The following RET variants were observed in gnomAD, a reference collection of about 807,000 sequenced individuals.
RET encodes proto-oncogene tyrosine-protein kinase receptor Ret.
Under a neutral mutation model 118.3 loss-of-function variants are expected in RET, and 19 were observed. That is an observed-to-expected ratio of 0.16 (90% CI 0.11 to 0.24). The LOEUF (loss-of-function observed/expected upper bound fraction) is 0.24. Ranked by LOEUF, RET falls within the 10% of genes least tolerant of loss-of-function variation. RET has a pLI of 1.00. For synonymous variants in RET, 597 were observed against 644.1 expected (o/e 0.93, Z 1.11); for missense variants, 1,219 against 1,502.1 (o/e 0.81, Z 3.12).
chr10:43,128,097 T>A lies in RET; in HGVS notation c.3188-15T>A, dbSNP rs1588881831. 3 of 1,614,066 alleles carry A rather than the reference T, an allele frequency of 1.9e-6. No individual in the cohort carries two copies. Among genetic ancestry groups the A allele is most frequent in the Non-Finnish European group, 2.5e-6 (3 of 1,179,996 alleles). ...GTTCTTCAGTGCAGAACAAATGATC[T>A]GTTTTCATTTTTAGGCATGTCAGAC... On this transcript the variant is annotated splice_polypyrimidine_tract_variant and intron_variant, in intron 19 of 19. Transcript: ENST00000355710.
At position 43,123,806 on chromosome 10, in the gene RET, G is replaced by A. The variant is rs2133007200; in HGVS notation, c.2937G>A (p.Glu979=). Residue 979 remains glutamate, a splice_region_variant and synonymous_variant, in exon 17 of 20, where the codon GAG becomes GAA. Coordinates refer to ENST00000355710, the MANE Select transcript of RET (RefSeq NM_020975.6). ...RMERPDNCSE[E]MYRLMLQCWK... ...AGAGGCCAGACAACTGCAGCGAGGA[G>A]ATGTGAGCGGGGACTGGCTTTGGCC... 6.2e-7 allele frequency: 1 copy of A among 1,614,086 alleles called. No homozygotes were observed. Among genetic ancestry groups the A allele is most frequent in the African/African-American group, 1.3e-5 (1 of 75,062 alleles).
intron 6 of RET, among the ~76,000 whole-genome samples, chr10:43,110,023 A>G: frequency 6.6e-6 from 1 of 152,122 alleles, no homozygotes; most frequent in East Asian, 1.9e-4. Context: ...CTGTGCCCGC[A>G]TCAGCTCCTG....
rs1428205590 is a variant in RET, at chr10:43,077,172, G to A, written c.-87G>A. The A allele has an allele frequency of 5.9e-6, 8 of 1,353,838 alleles. No homozygotes were observed. The highest frequency in any genetic ancestry group is 7.6e-6 in the Non-Finnish European group (8 of 1,053,800). The allele number at this position is 1,353,838 out of a possible 1,614,324, so 83.9% of individuals were successfully genotyped here. ...CCGCCGCGCCCCGGGCGGGGATGGG[G>A]CGGCCAGACTGAGCGCCGCACCCGC... On this transcript the variant is annotated 5_prime_UTR_variant, in exon 1 of 20. Transcript: ENST00000355710.
intron 16 of RET, 92 bp downstream of exon 16, chr10:43,122,108 C>T: frequency 2.0e-6 from 2 of 997,900 alleles, no homozygotes; most frequent in East Asian, 4.8e-5. Flanking sequence ...GCAGCTTGGC[C>T]AGGGAATTGC....
rs112834982 is a variant in RET, at chr10:43,100,301, G to T, written c.74-158G>T. ...TTTTAAAGCAGTTCTTTTCTAGCCC[G>T]TGTGTAACTATACAAATAATTGAGT... is the stretch of plus-strand genomic sequence containing the variant. On this transcript the variant is annotated intron_variant, in intron 1 of 19. Coordinates refer to ENST00000355710, the MANE Select transcript of RET (RefSeq NM_020975.6). Among the ~76,000 whole-genome samples, 1,200 of 152,068 alleles carry T rather than the reference G, an allele frequency of 7.9e-3. 16 individuals are homozygous for T. Among genetic ancestry groups the T allele is most frequent in the African/African-American group, 0.028 (1,153 of 41,482 alleles).
chr10:43,087,324 G>T (rs1160735386), intron 1 of RET, among the ~76,000 whole-genome samples: 1 of 152,204 alleles, frequency 6.6e-6, no homozygotes, highest in Non-Finnish European at 1.5e-5. Context: ...TCCACACCGG[G>T]TCTCCTGCCC....
chr10:43,099,941 C>T (rs1564489171), intron 1 of RET, among the ~76,000 whole-genome samples: 1 of 152,232 alleles, frequency 6.6e-6, no homozygotes, highest in Non-Finnish European at 1.5e-5. Context: ...GGCCTCTAGG[C>T]TCTTGACTTC....
At chr10:43,112,007 A>C (rs1837945796) in intron 7 of RET, 92 bp from the exon 8 acceptor site, 1 of 1,523,190 alleles carries the variant, frequency 6.6e-7, no homozygotes, top group East Asian at 2.4e-5. Context: ...ATCCGTGGGC[A>C]GCTCAGCTGG....
At chr10:43,110,887 A>G (rs1436170779) in intron 6 of RET, among the ~76,000 whole-genome samples, 1 of 152,116 alleles carries the variant, frequency 6.6e-6, no homozygotes, top group Non-Finnish European at 1.5e-5. Flanking sequence ...AGGGGAGTAA[A>G]GGGTTGAGTC....
chr10:43,077,269 C>T lies in RET; in HGVS notation c.11C>T (p.Ala4Val), dbSNP rs1837063876. The change falls in exon 1 of 20, where the codon GCG (alanine) becomes GTG (valine). Residue 4 changes from alanine to valine, a missense_variant. By Grantham distance (64) the Ala-to-Val change is moderately conservative. Coordinates refer to ENST00000355710, the MANE Select transcript of RET (RefSeq NM_020975.6). ...CAGCGCGCACGGGCGATGGCGAAGGCGACGTCCGGTGCCGCGGGGCTGCGT... is the reference window on the plus strand; with the variant it reads ...CAGCGCGCACGGGCGATGGCGAAGGTGACGTCCGGTGCCGCGGGGCTGCGT... MAK[A>V]TSGAAGLRLL... The T allele has an allele frequency of 1.3e-6, 2 of 1,505,328 alleles. No individual in the cohort carries two copies. Among genetic ancestry groups the T allele is most frequent in the Non-Finnish European group, 1.8e-6 (2 of 1,132,574 alleles). The allele number at this position is 1,505,328 out of a possible 1,614,324, so 93.2% of individuals were successfully genotyped here. A position where few individuals can be genotyped will look rare whatever the true frequency, so the allele number is the denominator to read the frequency against.
At chr10:43,099,513 A>AAAAC (rs764501930) in intron 1 of RET, among the ~76,000 whole-genome samples, 22 of 146,348 alleles carry the variant, frequency 1.5e-4, no homozygotes, top group African/African-American at 5.1e-4. Context: ...CTCCATCTCA[A>AAAAC]AAATAAATAA....
At chr10:43,097,649 C>G (rs1003539206) in intron 1 of RET, among the ~76,000 whole-genome samples, 7 of 152,174 alleles carry the variant, frequency 4.6e-5, no homozygotes, top group African/African-American at 1.7e-4. Flanking sequence ...CCCTCCCACC[C>G]CGAGGGCACT....
At chr10:43,110,138 G>A (rs2505515) in intron 6 of RET, among the ~76,000 whole-genome samples, 31,979 of 151,996 alleles carry the variant, frequency 0.21, 3,903 homozygotes, top group South Asian at 0.29. Context: ...AGACAGAGGG[G>A]CGACAAGACA....
chr10:43,121,251 G>T (rs1002384899), intron 15 of RET, among the ~76,000 whole-genome samples: 1 of 152,216 alleles, frequency 6.6e-6, no homozygotes, highest in Admixed American at 6.5e-5. Flanking sequence ...CTGCACTAAG[G>T]ACATAAATCC....
In RET at chr10:43,113,046, T is replaced by C. The variant is rs1588872929; in HGVS notation, c.1759+83T>C. The C allele has an allele frequency of 9.8e-6, 11 of 1,120,648 alleles. No individual in the cohort carries two copies. The East Asian group carries it at 2.7e-4, about 27-fold the overall frequency. The allele number at this position is 1,120,648 out of a possible 1,614,324, so 69.4% of individuals were successfully genotyped here. On this transcript the variant is annotated intron_variant, in intron 9 of 19. Coordinates refer to ENST00000355710, the MANE Select transcript of RET (RefSeq NM_020975.6). ...ATCCCACAGGCACTTCAGCCAGAGT[T>C]GCCAGGGCTGTCAGTTCTATGCATC...
At chr10:43,112,544 C>T (rs1837963915) in intron 8 of RET, among the ~76,000 whole-genome samples, 1 of 152,146 alleles carries the variant, frequency 6.6e-6, no homozygotes, top group African/African-American at 2.4e-5. Context: ...GGGCAGGGGA[C>T]TCATTGTCTG....
At chr10:43,116,542 C>T in intron 11 of RET, 42 bp from the exon 12 acceptor site, 1 of 1,613,112 alleles carries the variant, frequency 6.2e-7, no homozygotes, top group East Asian at 2.2e-5. Context: ...CATCCTCACA[C>T]TTTTCCCCCC....
chr10:43,102,314 C>T (rs2132676877), intron 2 of RET, 28 bp from the exon 3 acceptor site: 1 of 1,612,138 alleles, frequency 6.2e-7, no homozygotes, highest in South Asian at 1.1e-5. Flanking sequence ...GTGGCCGATG[C>T]CCCCACAGAC....
chr10:43,089,134 G>T (rs1214385055), intron 1 of RET, among the ~76,000 whole-genome samples: 1 of 152,222 alleles, frequency 6.6e-6, no homozygotes, highest in Non-Finnish European at 1.5e-5. Flanking sequence ...TCCATCCAGT[G>T]CTGGGCCCTT....
Sources: gnomAD v4.1 joint callset for allele counts (sites outside exome capture counted in the v4.1 genomes callset) on GRCh38, gnomAD v4.1.1 for gene constraint, MANE v1.5 for transcripts, NCBI Gene and HGNC (gene_info 2026-07-23, HGNC 2026-07-21) for gene names.